The following DNM2 variants were observed in gnomAD, a reference collection of about 807,000 sequenced individuals.
The protein encoded by DNM2 is dynamin 2, also known as dynamin-2.
A neutral mutation model predicts 99.0 loss-of-function variants in DNM2; 15 were observed. The ratio of observed to expected loss-of-function variants is 0.15; its 90% CI spans 0.10 to 0.23. The LOEUF (loss-of-function observed/expected upper bound fraction) is 0.23. Among genes scored for constraint, DNM2 ranks in the 10% least tolerant of loss-of-function variants. The pLI, the probability that DNM2 is intolerant of heterozygous loss-of-function variation, is 1.00. For missense variants in DNM2, 742 were observed against 1,189.4 expected, an observed-to-expected ratio of 0.62 and a Z score of 5.53; for synonymous variants, 525 against 481.2, an observed-to-expected ratio of 1.09 and a Z score of -1.19.
At chr19:10,828,930 A>T in intron 18 of DNM2, 106 bp from the exon 19 acceptor site, 1 of 1,205,884 alleles carries the variant, frequency 8.3e-7, no homozygotes, top group Non-Finnish European at 1.2e-6. Flanking sequence ...TTTTCAAAAA[A>T]GTCTGGGGGT....
chr19:10,756,926 T>C lies in DNM2; in HGVS notation c.162-2812T>C, dbSNP rs149910502. 3.5e-4 allele frequency among the ~76,000 whole-genome samples: 53 copies of C among 152,246 alleles called. No homozygotes were observed. The East Asian group carries it at 0.01, about 29-fold the overall frequency. On this transcript the variant is annotated intron_variant, in intron 1 of 20. Transcript: ENST00000389253. ...ACAGCGGTCACCCCCACCTGCCTCC[T>C]GCTCCTGCCCTCTCCTCTGCCCTGC...
chr19:10,795,279 G>A lies in DNM2; in HGVS notation c.1129-93G>A, dbSNP rs2071892199. 8.6e-7 allele frequency: 1 copy of A among 1,165,384 alleles called. No individual in the cohort carries two copies. The highest frequency in any genetic ancestry group is 1.3e-6 in the Non-Finnish European group (1 of 773,778). 72.2% of individuals were successfully genotyped at this position (1,165,384 alleles called of 1,614,324 possible). On this transcript the variant is annotated intron_variant, in intron 8 of 20. Transcript: ENST00000389253. The surrounding 1 kb of genome is among the most constrained non-coding windows in gnomAD (Gnocchi z 4.2). ...TTAAATATTCTGCCTTGTGAATATAGCCACACGTGGGAGAGAACGTTCCCC... is the reference window on the plus strand; with the variant it reads ...TTAAATATTCTGCCTTGTGAATATAACCACACGTGGGAGAGAACGTTCCCC...
At chr19:10,784,540 G>A (rs141157063) in intron 6 of DNM2, among the ~76,000 whole-genome samples, 2 of 152,128 alleles carry the variant, frequency 1.3e-5, no homozygotes, top group African/African-American at 2.4e-5. Flanking sequence ...CCTTCCACGT[G>A]GGGTGCTTCC....
chr19:10,724,923 C>T (rs2069062935), intron 1 of DNM2, among the ~76,000 whole-genome samples: 2 of 151,942 alleles, frequency 1.3e-5, no homozygotes, highest in South Asian at 4.2e-4. Context: ...ATGTGTCCCT[C>T]CAGGGATATG....
At chr19:10,718,733 C>T in intron 1 of DNM2, 2 of 204,874 alleles carry the variant, frequency 9.8e-6, no homozygotes, top group East Asian at 1.2e-4. Context: ...GGGTAGATCC[C>T]TCTTCTGCTC....
At chr19:10,813,916 A>G (rs943883609) in intron 15 of DNM2, among the ~76,000 whole-genome samples, 1 of 151,800 alleles carries the variant, frequency 6.6e-6, no homozygotes, top group Non-Finnish European at 1.5e-5. Flanking sequence ...TAATCTTAGC[A>G]CTCTGGGAGG....
At chr19:10,828,318 T>G (rs1379214344) in intron 18 of DNM2, among the ~76,000 whole-genome samples, 1 of 151,902 alleles carries the variant, frequency 6.6e-6, no homozygotes, top group Admixed American at 6.6e-5. Flanking sequence ...CTGGGCGCGG[T>G]GGCTCACGCC....
chr19:10,807,067 C>T (rs1255812475), intron 13 of DNM2, among the ~76,000 whole-genome samples: 2 of 151,878 alleles, frequency 1.3e-5, no homozygotes, highest in African/African-American at 2.4e-5. Flanking sequence ...GCCTTCAGTA[C>T]CTTATTATTA....
intron 18 of DNM2, among the ~76,000 whole-genome samples, chr19:10,826,325 G>A (rs937529094): frequency 2.0e-5 from 3 of 152,164 alleles, no homozygotes; most frequent in Non-Finnish European, 4.4e-5. Context: ...AGTGGGAAGT[G>A]GGATTCAAAC....
rs2073328023 is a variant in DNM2 at position 10,830,946 on chromosome 19, C to A, written c.2544-32C>A. 1 of 1,599,520 alleles carries A rather than the reference C, an allele frequency of 6.3e-7. No homozygotes were observed. Among genetic ancestry groups the A allele is most frequent in the African/African-American group, 1.3e-5 (1 of 74,404 alleles). ...TTGCTCCCGGCCTCACTGCCGTCTC[C>A]CCCTCCCCACCTGTCTTTATTCTCT... On this transcript the variant is annotated intron_variant, in intron 20 of 20. Coordinates refer to ENST00000389253, the MANE Select transcript of DNM2 (RefSeq NM_001005361.3). This position sits in a 1 kb window ranked among gnomAD's most constrained non-coding sequence, Gnocchi z 4.8.
At chr19:10,787,252 G>A (rs933978199) in intron 7 of DNM2, among the ~76,000 whole-genome samples, 1 of 151,964 alleles carries the variant, frequency 6.6e-6, no homozygotes, top group Non-Finnish European at 1.5e-5. Context: ...AGCGGATCAT[G>A]TCAGGAGATC....
chr19:10,829,398 G>A (rs1450105552), intron 19 of DNM2, 130 bp downstream of exon 19: 13 of 1,203,656 alleles, frequency 1.1e-5, no homozygotes, highest in Admixed American at 3.9e-5. Flanking sequence ...GGGCACTGTG[G>A]GAGCTGCTGC....
chr19:10,818,662 C>T lies in DNM2; in HGVS notation c.1672-1318C>T, dbSNP rs1186743112. Among the ~76,000 whole-genome samples the T allele has an allele frequency of 6.6e-6, 1 of 152,242 alleles. No homozygotes were observed. The highest frequency in any genetic ancestry group is 6.5e-5 in the Admixed American group (1 of 15,284). ...GAGCCCCCGCTGCCTTCTCCACAGT[C>T]ACTGTGGCTGCTCCTGAACTTGGAG... is the stretch of plus-strand genomic sequence containing the variant. On this transcript the variant is annotated intron_variant, in intron 15 of 20. Transcript: ENST00000389253. The surrounding 1 kb of genome is among the most constrained non-coding windows in gnomAD (Gnocchi z 4.3).
intron 10 of DNM2, among the ~76,000 whole-genome samples, chr19:10,797,770 C>G (rs907338149): frequency 3.3e-5 from 5 of 152,134 alleles, no homozygotes; most frequent in Non-Finnish European, 5.9e-5. Context: ...AAGCAGTGCC[C>G]TTTCCTGGAA....
At chr19:10,787,051 C>T (rs1363115232) in intron 7 of DNM2, among the ~76,000 whole-genome samples, 6 of 152,230 alleles carry the variant, frequency 3.9e-5, no homozygotes, top group East Asian at 1.9e-4. Flanking sequence ...GAGCATTGGC[C>T]GGCCAGGAGC....
At chr19:10,745,052 C>T (rs74991607) in intron 1 of DNM2, among the ~76,000 whole-genome samples, 4,724 of 152,266 alleles carry the variant, frequency 0.031, 81 homozygotes, top group South Asian at 0.095. Flanking sequence ...ATTCAAATCA[C>T]GTTGGAGACT....
intron 18 of DNM2, 139 bp downstream of exon 18, chr19:10,825,360 C>G: frequency 1.6e-6 from 2 of 1,218,760 alleles, no homozygotes; most frequent in Non-Finnish European, 2.3e-6. Flanking sequence ...AACGGTGAAA[C>G]CCCATCTCTA....
intron 12 of DNM2, among the ~76,000 whole-genome samples, chr19:10,804,987 T>C (rs1221424454): frequency 2.0e-5 from 3 of 152,148 alleles, no homozygotes; most frequent in Admixed American, 6.5e-5. Context: ...TAACAGGAGA[T>C]ATATGTTGTT....
intron 1 of DNM2, among the ~76,000 whole-genome samples, chr19:10,719,416 G>T (rs1182701605): frequency 6.6e-6 from 1 of 152,124 alleles, no homozygotes; most frequent in Non-Finnish European, 1.5e-5. Flanking sequence ...CTGGGAAGGG[G>T]CTTCTTGCGT....
Sources: allele counts gnomAD v4.1 joint callset (sites outside exome capture counted in the v4.1 genomes callset), GRCh38; gene constraint gnomAD v4.1.1; non-coding constraint Gnocchi (gnomAD v3.1); transcripts MANE v1.5; gene names NCBI Gene and HGNC (gene_info 2026-07-23, HGNC 2026-07-21).